Variants in CDH18 observed in about 807,000 individuals in gnomAD.
CDH18 encodes the protein cadherin-18.
A neutral mutation model predicts 67.9 loss-of-function variants in CDH18; 31 were observed. The ratio of observed to expected loss-of-function variants is 0.46; its 90% CI spans 0.34 to 0.62. CDH18 has a LOEUF of 0.62. CDH18 is among the 20% of genes least tolerant of loss of function. The probability of loss-of-function intolerance (pLI) is 0.01; values close to 1 mark genes in which losing one functional copy is unlikely to be tolerated. For synonymous variants in CDH18, 362 were observed against 347.2 expected (o/e 1.04, Z -0.48); for missense variants, 890 against 975.5 (o/e 0.91, Z 1.17).
intron 1 of CDH18, among the ~76,000 whole-genome samples, chr5:20,309,166 G>A (rs138020720): frequency 0.013 from 1,928 of 152,276 alleles, 29 homozygotes; most frequent in Non-Finnish European, 0.019. Context: ...CACTGCTACT[G>A]TTCTATCTCA....
At chr5:19,834,563 T>C (rs1353971148) in intron 3 of CDH18, among the ~76,000 whole-genome samples, 1 of 152,130 alleles carries the variant, frequency 6.6e-6, no homozygotes, top group Non-Finnish European at 1.5e-5. Context: ...TGTCTTCTGC[T>C]AGCTTCTGGA....
At chr5:19,817,426 T>G (rs555854133) in intron 3 of CDH18, among the ~76,000 whole-genome samples, 13 of 151,952 alleles carry the variant, frequency 8.6e-5, no homozygotes, top group African/African-American at 3.1e-4. Context: ...AGGACATTCA[T>G]AACATTATTA....
intron 2 of CDH18, among the ~76,000 whole-genome samples, chr5:19,843,412 G>A (rs551105739): frequency 5.9e-5 from 9 of 152,324 alleles, no homozygotes; most frequent in African/African-American, 2.2e-4. Context: ...TTGGGCTTGC[G>A]GGTGCACAGA....
At chr5:20,177,957 T>C (rs1737372042) in intron 2 of CDH18, among the ~76,000 whole-genome samples, 1 of 152,120 alleles carries the variant, frequency 6.6e-6, no homozygotes, top group Non-Finnish European at 1.5e-5. Context: ...CTCTTTCTTT[T>C]GTAAATTGAC....
chr5:19,878,236 A>G lies in CDH18; in HGVS notation c.-256-38994T>C, dbSNP rs184479775. On this transcript the variant is annotated intron_variant, in intron 2 of 12. Coordinates refer to ENST00000382275, the MANE Select transcript of CDH18 (RefSeq NM_004934.5). Reference sequence around the variant, plus strand: ...CAATATTTTTGAGAGAGACAGCCAGATGTTATCCTATTGTGATTAGATTGC... The same window carrying G: ...CAATATTTTTGAGAGAGACAGCCAGGTGTTATCCTATTGTGATTAGATTGC... The G allele has an allele frequency of 3.3e-5, 5 of 152,226 alleles. No homozygotes were observed. The East Asian group carries it at 9.7e-4, about 29-fold the overall frequency. 9.4% of individuals were successfully genotyped at this position (152,226 alleles called of 1,614,324 possible). A position where few individuals can be genotyped will look rare whatever the true frequency, so the allele number is the denominator to read the frequency against.
chr5:19,776,477 T>TG (rs1399715084), intron 3 of CDH18, among the ~76,000 whole-genome samples: 2 of 151,710 alleles, frequency 1.3e-5, no homozygotes, highest in African/African-American at 4.8e-5. Context: ...AGGAAGAGGA[T>TG]GGAAAGAAAG....
intron 3 of CDH18, among the ~76,000 whole-genome samples, chr5:19,755,773 C>T (rs1263942825): frequency 6.6e-6 from 1 of 151,730 alleles, no homozygotes; most frequent in Non-Finnish European, 1.5e-5. Context: ...GGGCAGGAAG[C>T]ATCCAGCAAG....
chr5:20,211,954 T>G (rs1740387973), intron 2 of CDH18, among the ~76,000 whole-genome samples: 1 of 152,150 alleles, frequency 6.6e-6, no homozygotes, highest in Admixed American at 6.5e-5. Flanking sequence ...AAAAGTAGGC[T>G]TCAGAAGATC....
chr5:20,401,864 A>G (rs1322502402), intron 1 of CDH18, among the ~76,000 whole-genome samples: 2 of 152,210 alleles, frequency 1.3e-5, no homozygotes, highest in African/African-American at 4.8e-5. Context: ...AGTGTTATTT[A>G]AAATTATAAA....
At chr5:19,901,283 AC>A (rs1789914350) in intron 2 of CDH18, among the ~76,000 whole-genome samples, 1 of 152,078 alleles carries the variant, frequency 6.6e-6, no homozygotes, top group Non-Finnish European at 1.5e-5. Flanking sequence ...TGAAGAATAA[AC>A]TTTTAATAAT....
chr5:20,572,608 A>G (rs1474589755), intron 1 of CDH18, among the ~76,000 whole-genome samples: 4 of 152,160 alleles, frequency 2.6e-5, no homozygotes, highest in Non-Finnish European at 5.9e-5. Context: ...GAATAAAGCT[A>G]CTTTTAAAAG....
chr5:20,254,890 A>T (rs79681694), intron 2 of CDH18, among the ~76,000 whole-genome samples: 1 of 76,572 alleles, frequency 1.3e-5, no homozygotes, highest in Non-Finnish European at 3.7e-5. Flanking sequence ...AAGATCGGAT[A>T]AAAAAAAAAT....
intron 1 of CDH18, among the ~76,000 whole-genome samples, chr5:20,324,917 C>T (rs1738411647): frequency 6.6e-6 from 1 of 152,006 alleles, no homozygotes; most frequent in African/African-American, 2.4e-5. Flanking sequence ...TTATTAGTTC[C>T]CTTATTAATG....
chr5:20,289,616 TAATGA>T (rs1746956141), intron 1 of CDH18, among the ~76,000 whole-genome samples: 1 of 151,942 alleles, frequency 6.6e-6, no homozygotes, highest in Non-Finnish European at 1.5e-5. Flanking sequence ...GTTTCCTCAT[TAATGA>T]AATAAGTGTA....
chr5:19,694,001 T>A (rs1010374686), intron 5 of CDH18, among the ~76,000 whole-genome samples: 5 of 152,048 alleles, frequency 3.3e-5, no homozygotes, highest in African/African-American at 1.2e-4. Context: ...ATTTAATTCA[T>A]CTCAGTGAGA....
At position 20,283,270 on chromosome 5, in the gene CDH18, T is replaced by C. The variant is rs537865336; in HGVS notation, c.-579-27765A>G. ...ATGGGCAAATGGGATCACATCAAGTTAAAAAGTTTATGCACAGCAAAGAAA... is the reference window on the plus strand; with the variant it reads ...ATGGGCAAATGGGATCACATCAAGTCAAAAAGTTTATGCACAGCAAAGAAA... On this transcript the variant is annotated intron_variant, in intron 1 of 14. Transcript: ENST00000507958. 2.0e-5 allele frequency among the ~76,000 whole-genome samples: 3 copies of C among 152,098 alleles called. No individual in the cohort carries two copies. In the East Asian group the frequency reaches 5.8e-4, roughly 29 times the overall value.
chr5:19,731,720 C>T (rs1553099), intron 4 of CDH18, among the ~76,000 whole-genome samples: 140,229 of 152,198 alleles, frequency 0.92, 65,690 homozygotes, highest in East Asian at 1. Context: ...TAATGTGTGA[C>T]ATGTTTTAGA....
intron 2 of CDH18, among the ~76,000 whole-genome samples, chr5:20,087,064 C>A (rs975141304): frequency 2.0e-5 from 3 of 152,076 alleles, no homozygotes; most frequent in Non-Finnish European, 2.9e-5. Flanking sequence ...TAATAGACAT[C>A]AAAATATTAA....
chr5:20,314,849 A>G (rs1365561624), intron 1 of CDH18, among the ~76,000 whole-genome samples: 1 of 151,954 alleles, frequency 6.6e-6, no homozygotes, highest in African/African-American at 2.4e-5. Flanking sequence ...TTCTAGATGA[A>G]TGTATACAAA....
Sources: allele counts gnomAD v4.1 joint callset (sites outside exome capture counted in the v4.1 genomes callset), GRCh38; gene constraint gnomAD v4.1.1; transcripts MANE v1.5; gene names NCBI Gene and HGNC (gene_info 2026-07-23, HGNC 2026-07-21).